WDR33: variants seen among roughly 807,000 people sequenced by gnomAD.
WDR33 encodes the protein pre-mRNA 3' end processing protein WDR33.
Under a neutral mutation model 164.9 loss-of-function variants are expected in WDR33, and 47 were observed. That is an observed-to-expected ratio of 0.29 (90% CI 0.23 to 0.36). WDR33 has a LOEUF of 0.36. Ranked by LOEUF, WDR33 falls within the 10% of genes least tolerant of loss-of-function variation. The pLI is 1.00. For missense variants in WDR33, 1,137 were observed against 1,754.1 expected, an observed-to-expected ratio of 0.65 and a Z score of 6.28; for synonymous variants, 505 against 589.0, an observed-to-expected ratio of 0.86 and a Z score of 2.06.
chr2:127,733,220 A>G (rs971402321), intron 7 of WDR33, among the ~76,000 whole-genome samples: 1 of 152,188 alleles, frequency 6.6e-6, no homozygotes, highest in Non-Finnish European at 1.5e-5. Context: ...AAGGAAGATA[A>G]AATTCCGAAC....
chr2:127,806,918 C>T (rs1171028968), intron 1 of WDR33, among the ~76,000 whole-genome samples: 1 of 152,124 alleles, frequency 6.6e-6, no homozygotes, highest in Non-Finnish European at 1.5e-5. Flanking sequence ...AGAGTTAAAG[C>T]AAAATGGTTA....
intron 7 of WDR33, among the ~76,000 whole-genome samples, chr2:127,747,579 G>T (rs568675785): frequency 6.6e-6 from 1 of 152,188 alleles, no homozygotes; most frequent in African/African-American, 2.4e-5. Context: ...CTATTTCTAT[G>T]GGAAAATTCT....
At chr2:127,711,918 A>C (rs1220885303) in intron 18 of WDR33, among the ~76,000 whole-genome samples, 1 of 150,642 alleles carries the variant, frequency 6.6e-6, no homozygotes, top group Non-Finnish European at 1.5e-5. Flanking sequence ...GATTACAGGC[A>C]CGCACCACCA....
At position 127,717,429 on chromosome 2, in the gene WDR33, A is replaced by G. The variant is rs547264925; in HGVS notation, c.2761-166T>C. On this transcript the variant is annotated intron_variant, in intron 16 of 21. Coordinates refer to ENST00000322313, the MANE Select transcript of WDR33 (RefSeq NM_018383.5). The surrounding 1 kb of genome is among the most constrained non-coding windows in gnomAD (Gnocchi z 5.6). The stretch of plus-strand genomic sequence containing the variant: ...GGAGAAAGGAGATACTTCTTTTACT[A>G]TAATAATTTTTTTAAAGCACCTGTA... Among the ~76,000 whole-genome samples, 2 of 152,238 alleles carry G rather than the reference A, an allele frequency of 1.3e-5. No individual in the cohort carries two copies. The highest frequency in any genetic ancestry group is 2.9e-5 in the Non-Finnish European group (2 of 68,046).
At chr2:127,778,883 C>T (rs559794341) in intron 1 of WDR33, among the ~76,000 whole-genome samples, 1 of 152,184 alleles carries the variant, frequency 6.6e-6, no homozygotes, top group South Asian at 2.1e-4. Flanking sequence ...ATTATTTTAC[C>T]ATAATAGATC....
intron 4 of WDR33, among the ~76,000 whole-genome samples, chr2:127,766,373 C>T (rs1687820732): frequency 6.6e-6 from 1 of 152,114 alleles, no homozygotes; most frequent in Non-Finnish European, 1.5e-5. Flanking sequence ...TTTGGCTTTT[C>T]ATTGCTTACC....
In WDR33 at chr2:127,764,157, TAC is replaced by T; in HGVS notation, c.626+669_626+670del. ...CATACCTCACTGATGTGTAAAAATA[TAC>T]AACTCACTGAAAATATTTTAAACTC... is the stretch of plus-strand genomic sequence containing the variant. On this transcript the variant is annotated intron_variant, in intron 6 of 21. Coordinates refer to ENST00000322313, the MANE Select transcript of WDR33 (RefSeq NM_018383.5). This position sits in a 1 kb window ranked among gnomAD's most constrained non-coding sequence, Gnocchi z 6.2. The T allele has an allele frequency of 9.9e-7, 1 of 1,012,110 alleles. No individual in the cohort carries two copies. The highest frequency in any genetic ancestry group is 1.7e-5 in the African/African-American group (1 of 57,842). 62.7% of individuals were successfully genotyped at this position (1,012,110 alleles called of 1,614,324 possible). A position where few individuals can be genotyped will look rare whatever the true frequency, so the allele number is the denominator to read the frequency against.
chr2:127,795,102 C>T (rs1199630638), intron 1 of WDR33, among the ~76,000 whole-genome samples: 26 of 131,128 alleles, frequency 2.0e-4, no homozygotes, highest in African/African-American at 3.9e-4. Context: ...AATAACTTCT[C>T]TTTTTTTTTT....
intron 7 of WDR33, chr2:127,737,006 G>C: frequency 1.0e-6 from 1 of 985,288 alleles, no homozygotes; most frequent in Non-Finnish European, 1.2e-6. Context: ...CTGCCTGAGG[G>C]TGTATAAAAT....
At chr2:127,792,407 T>C (rs1573470272) in intron 1 of WDR33, among the ~76,000 whole-genome samples, 2 of 151,198 alleles carry the variant, frequency 1.3e-5, no homozygotes, top group Non-Finnish European at 2.9e-5. Flanking sequence ...ACGCCTATAA[T>C]CCCAGCACTT....
In WDR33 at chr2:127,738,026, G is replaced by T. The variant is rs766768778; in HGVS notation, c.725-11249C>A. The T allele has an allele frequency of 1.9e-6, 3 of 1,613,028 alleles. No individual in the cohort carries two copies. In the Admixed American group the frequency reaches 5.0e-5, roughly 27 times the overall value. On this transcript the variant is annotated intron_variant, in intron 7 of 21. Coordinates refer to ENST00000322313, the MANE Select transcript of WDR33 (RefSeq NM_018383.5). This position sits in a 1 kb window ranked among gnomAD's most constrained non-coding sequence, Gnocchi z 4.4. ...TTATTCACCTCTTGACAGAAAGGAA[G>T]TAACAACGGCAGTGATGAAAACATG...
intron 7 of WDR33, chr2:127,736,406 G>C (rs1468689608): frequency 4.3e-5 from 42 of 985,320 alleles, no homozygotes; most frequent in African/African-American, 8.7e-5. Flanking sequence ...TCAGAACTGA[G>C]TGGTAGCACA....
Position 127,713,441 on chromosome 2 carries a change from C to T in WDR33, c.3308+142G>A. On this transcript the variant is annotated intron_variant, in intron 18 of 21. Coordinates refer to ENST00000322313, the MANE Select transcript of WDR33 (RefSeq NM_018383.5). The surrounding 1 kb of genome is among the most constrained non-coding windows in gnomAD (Gnocchi z 6.2). ...AAAAAGCACACTTTTTTTAAACGTC[C>T]AAATGCAAACTCTACAGAGTGCAGG... 1 of 962,494 alleles carries T rather than the reference C, an allele frequency of 1.0e-6. No individual in the cohort carries two copies. The highest frequency in any genetic ancestry group is 1.7e-5 in the South Asian group (1 of 60,202). 59.6% of individuals were successfully genotyped at this position (962,494 alleles called of 1,614,324 possible).
chr2:127,771,051 C>G, intron 1 of WDR33, 47 bp from the exon 2 acceptor site: 2 of 1,405,792 alleles, frequency 1.4e-6, no homozygotes, highest in East Asian at 4.6e-5. Context: ...AGCACTGCAA[C>G]ACTGCCTGAA....
Position 127,764,376 on chromosome 2 carries a change from T to C in WDR33, c.626+452A>G. ...ATACTTTCCTTTGGAAGTCGTGGCA[T>C]AACCAAGCCAACCAGGTCTTCACTT... On this transcript the variant is annotated intron_variant, in intron 6 of 21. Coordinates refer to ENST00000322313, the MANE Select transcript of WDR33 (RefSeq NM_018383.5). The surrounding 1 kb of genome is among the most constrained non-coding windows in gnomAD (Gnocchi z 6.2). The C allele has an allele frequency of 7.0e-7, 1 of 1,432,620 alleles. No individual in the cohort carries two copies. Among genetic ancestry groups the C allele is most frequent in the East Asian group, 2.6e-5 (1 of 39,064 alleles). The allele number at this position is 1,432,620 out of a possible 1,614,324, so 88.7% of individuals were successfully genotyped here.
chr2:127,731,208 C>T (rs1013055154), intron 7 of WDR33, among the ~76,000 whole-genome samples: 1 of 148,752 alleles, frequency 6.7e-6, no homozygotes, highest in Non-Finnish European at 1.5e-5. Context: ...GGTGGAGGAT[C>T]GCCTGAGCCC....
At position 127,710,075 on chromosome 2, in the gene WDR33, T is replaced by C. The variant is rs997492386; in HGVS notation, c.3309-219A>G. 6.6e-6 allele frequency among the ~76,000 whole-genome samples: 1 copy of C among 152,214 alleles called. No individual in the cohort carries two copies. Among genetic ancestry groups the C allele is most frequent in the African/African-American group, 2.4e-5 (1 of 41,460 alleles). ...AAGGAAACACACCAGAGTGTGGAGT[T>C]ACTTTAAGCTTCTTTTAGGCTTTTA... On this transcript the variant is annotated intron_variant, in intron 18 of 21. Coordinates refer to ENST00000322313, the MANE Select transcript of WDR33 (RefSeq NM_018383.5). The surrounding 1 kb of genome is among the most constrained non-coding windows in gnomAD (Gnocchi z 4.4).
At chr2:127,769,805 C>T (rs944792830) in intron 2 of WDR33, among the ~76,000 whole-genome samples, 3 of 152,126 alleles carry the variant, frequency 2.0e-5, no homozygotes, top group African/African-American at 7.2e-5. Context: ...GAAAAACAGA[C>T]AAATTTTCAT....
At position 127,741,948 on chromosome 2, in the gene WDR33, C is replaced by G. The variant is rs535491694; in HGVS notation, c.725-15171G>C. Reference sequence around the variant, plus strand: ...GGGCACGGTGGCTCACACCTGTAATCCCAGCACTTTGGGAGGCCGAGGCGG... The same window carrying G: ...GGGCACGGTGGCTCACACCTGTAATGCCAGCACTTTGGGAGGCCGAGGCGG... On this transcript the variant is annotated intron_variant, in intron 7 of 21. Coordinates refer to ENST00000322313, the MANE Select transcript of WDR33 (RefSeq NM_018383.5). This position sits in a 1 kb window ranked among gnomAD's most constrained non-coding sequence, Gnocchi z 4.1. Among the ~76,000 whole-genome samples the G allele has an allele frequency of 6.6e-6, 1 of 151,976 alleles. No homozygotes were observed. Among genetic ancestry groups the G allele is most frequent in the Non-Finnish European group, 1.5e-5 (1 of 67,976 alleles).
Sources: gnomAD v4.1 joint callset for allele counts (sites outside exome capture counted in the v4.1 genomes callset) on GRCh38, gnomAD v4.1.1 for gene constraint, Gnocchi (gnomAD v3.1) non-coding constraint, MANE v1.5 for transcripts, NCBI Gene and HGNC (gene_info 2026-07-23, HGNC 2026-07-21) for gene names.